SRGAP2: variants seen among roughly 807,000 people sequenced by gnomAD.
SRGAP2 encodes the protein SLIT-ROBO Rho GTPase-activating protein 2.
SRGAP2 carries 15 observed loss-of-function variants against 57.2 expected under a neutral mutation model. That is an observed-to-expected ratio of 0.26 (90% CI 0.18 to 0.40). The LOEUF (loss-of-function observed/expected upper bound fraction) is 0.40, where lower values mean the gene tolerates loss of function less well. Among genes scored for constraint, SRGAP2 ranks in the 10% least tolerant of loss-of-function variants. The probability of loss-of-function intolerance (pLI) is 1.00; values close to 1 mark genes in which losing one functional copy is unlikely to be tolerated. For synonymous variants in SRGAP2, 249 were observed against 248.0 expected, an observed-to-expected ratio of 1.00 and a Z score of -0.04; for missense variants, 520 against 669.6, an observed-to-expected ratio of 0.78 and a Z score of 2.47.
chr1:206,370,886 C>T (rs1421177443), intron 4 of SRGAP2, among the ~76,000 whole-genome samples: 2 of 151,672 alleles, frequency 1.3e-5, no homozygotes, highest in Admixed American at 1.3e-4. Context: ...CGTCAGAAAA[C>T]AATGCATACT....
chr1:206,438,566 G>A (rs1393849309), intron 16 of SRGAP2, among the ~76,000 whole-genome samples: 4 of 152,132 alleles, frequency 2.6e-5, no homozygotes, highest in East Asian at 3.8e-4. Flanking sequence ...GTAGTAATAG[G>A]ATATTTTCCC....
chr1:206,460,955 C>T, intron 22 of SRGAP2, 82 bp from the exon 23 acceptor site: 1 of 641,236 alleles, frequency 1.6e-6, no homozygotes, highest in South Asian at 1.9e-5. Flanking sequence ...TTTCTTCATG[C>T]CTTGGCCTGT....
chr1:206,370,126 C>A (rs879996408), intron 4 of SRGAP2, among the ~76,000 whole-genome samples: 1 of 151,396 alleles, frequency 6.6e-6, no homozygotes, highest in East Asian at 1.9e-4. Context: ...ATTGGCCAGG[C>A]GTGATGGCAG....
At chr1:206,324,911 A>G (rs1673759803) in intron 3 of SRGAP2, among the ~76,000 whole-genome samples, 1 of 151,620 alleles carries the variant, frequency 6.6e-6, no homozygotes, top group East Asian at 1.9e-4. Context: ...CTGTGAACAG[A>G]CATTGTAGGA....
At chr1:206,432,116 G>A (rs1446947740) in intron 14 of SRGAP2, among the ~76,000 whole-genome samples, 1 of 152,218 alleles carries the variant, frequency 6.6e-6, no homozygotes, top group African/African-American at 2.4e-5. Flanking sequence ...ACTGTAAGAA[G>A]GAGACAGGAA....
intron 22 of SRGAP2, among the ~76,000 whole-genome samples, chr1:206,459,198 AG>A (rs1408631146): frequency 2.6e-5 from 4 of 152,228 alleles, no homozygotes; most frequent in African/African-American, 9.6e-5. Flanking sequence ...ACTGGCTATT[AG>A]GAAGGCTGTT....
chr1:206,309,792 C>T (rs1490447240), intron 3 of SRGAP2, among the ~76,000 whole-genome samples: 3 of 151,174 alleles, frequency 2.0e-5, no homozygotes, highest in South Asian at 2.1e-4. Flanking sequence ...GCAGAATCTT[C>T]GGAGTAAAAG....
chr1:206,267,125 C>T (rs1669906748), intron 2 of SRGAP2, among the ~76,000 whole-genome samples: 1 of 152,022 alleles, frequency 6.6e-6, no homozygotes, highest in East Asian at 1.9e-4. Context: ...CCCACCACCA[C>T]GCCGGGCTAA....
intron 2 of SRGAP2, among the ~76,000 whole-genome samples, chr1:206,265,785 ATT>A (rs1224481707): frequency 2.6e-5 from 4 of 151,910 alleles, no homozygotes; most frequent in Admixed American, 2.0e-4. Flanking sequence ...GATTAGAATT[ATT>A]TTTCATAAAG....
chr1:206,257,687 G>GCTTA (rs1324889054), intron 2 of SRGAP2, among the ~76,000 whole-genome samples: 2 of 128,336 alleles, frequency 1.6e-5, no homozygotes, highest in Non-Finnish European at 3.3e-5. Context: ...CCCTCATGGA[G>GCTTA]CTTACATTCT....
intron 14 of SRGAP2, among the ~76,000 whole-genome samples, chr1:206,431,171 T>C (rs1339343312): frequency 2.0e-5 from 3 of 152,226 alleles, no homozygotes; most frequent in Admixed American, 6.5e-5. Context: ...ATGGTTACAA[T>C]TGATCTCATT....
chr1:206,278,175 A>T (rs1670528374), intron 2 of SRGAP2, among the ~76,000 whole-genome samples: 1 of 151,820 alleles, frequency 6.6e-6, no homozygotes, highest in Non-Finnish European at 1.5e-5. Context: ...TACAATAAAG[A>T]TCTCTGTGAG....
chr1:206,306,486 G>A (rs1672208699), intron 3 of SRGAP2, among the ~76,000 whole-genome samples: 1 of 152,174 alleles, frequency 6.6e-6, no homozygotes, highest in Non-Finnish European at 1.5e-5. Flanking sequence ...GACCCAAAAA[G>A]TGAGCACTAG....
At chr1:206,314,107 T>TGG (rs1553120834) in intron 3 of SRGAP2, among the ~76,000 whole-genome samples, 4 of 130,172 alleles carry the variant, frequency 3.1e-5, no homozygotes, top group African/African-American at 1.3e-4. Context: ...TTTTTTTTGT[T>TGG]TTTTTTTTTT....
intron 21 of SRGAP2, among the ~76,000 whole-genome samples, chr1:206,456,702 T>G (rs1358378572): frequency 2.0e-5 from 3 of 152,194 alleles, no homozygotes. Context: ...ATGGGGTTCT[T>G]GGAGGACAAG....
At chr1:206,242,094 G>A (rs1391886205) in intron 2 of SRGAP2, among the ~76,000 whole-genome samples, 1 of 151,250 alleles carries the variant, frequency 6.6e-6, no homozygotes, top group Non-Finnish European at 1.5e-5. Flanking sequence ...CTCATAAAAG[G>A]TATCCAAGTT....
At chr1:206,393,522 G>A (rs782155879) in intron 6 of SRGAP2, 23 bp from the exon 7 acceptor site, 1 of 771,332 alleles carries the variant, frequency 1.3e-6, no homozygotes, top group Admixed American at 1.7e-5. Context: ...AAAGGTAAAA[G>A]TGAACTTCTG....
chr1:206,307,826 G>C (rs1360027298), intron 3 of SRGAP2, among the ~76,000 whole-genome samples: 1 of 151,774 alleles, frequency 6.6e-6, no homozygotes, highest in Non-Finnish European at 1.5e-5. Context: ...GTTCCCGCTC[G>C]TGCCTCTCCC....
chr1:206,349,573 A>G (rs1424331716), intron 4 of SRGAP2, among the ~76,000 whole-genome samples: 18 of 145,392 alleles, frequency 1.2e-4, no homozygotes, highest in Middle Eastern at 7.0e-3. Flanking sequence ...TACCTTATGC[A>G]TGTAATACTT....
Sources: allele counts gnomAD v4.1 joint callset (sites outside exome capture counted in the v4.1 genomes callset), GRCh38; gene constraint gnomAD v4.1.1; transcripts MANE v1.5; gene names NCBI Gene and HGNC (gene_info 2026-07-23, HGNC 2026-07-21).